Variants in BSPRY observed in about 807,000 individuals in gnomAD.
BSPRY encodes B box and SPRY domain-containing protein.
In BSPRY, 33 loss-of-function variants were observed where a neutral mutation model predicts 38.0. The ratio of observed to expected loss-of-function variants is 0.87; its 90% CI spans 0.66 to 1.16. BSPRY has a LOEUF of 1.16. Among genes scored for constraint, BSPRY ranks in the 50% most tolerant of loss-of-function variants. The pLI is 0.00. For synonymous variants in BSPRY, 224 were observed against 228.5 expected (o/e 0.98, Z 0.18); for missense variants, 523 against 533.2 (o/e 0.98, Z 0.19).
At chr9:113,353,064 G>T (rs982287969) in intron 1 of BSPRY, among the ~76,000 whole-genome samples, 1 of 152,188 alleles carries the variant, frequency 6.6e-6, no homozygotes, top group African/African-American at 2.4e-5. Flanking sequence ...TGAGTATGAC[G>T]GAGGACCAAG....
intron 2 of BSPRY, among the ~76,000 whole-genome samples, chr9:113,355,740 G>A (rs1313693126): frequency 2.0e-5 from 3 of 151,564 alleles, no homozygotes; most frequent in East Asian, 1.9e-4. Flanking sequence ...TCAGCCTCCC[G>A]TGTAGCTGGG....
intron 4 of BSPRY, among the ~76,000 whole-genome samples, chr9:113,365,689 CTCACTCA>C: frequency 1.3e-5 from 2 of 151,666 alleles, no homozygotes; most frequent in African/African-American, 4.8e-5. Flanking sequence ...CCTCACTCAG[CTCACTCA>C]GCATATAGCA....
At position 113,366,053 on chromosome 9, in the gene BSPRY, C is replaced by T. The variant is rs980417299; in HGVS notation, c.558-2206C>T. Among the ~76,000 whole-genome samples, 8 of 152,252 alleles carry T rather than the reference C, an allele frequency of 5.3e-5. No homozygotes were observed. In the East Asian group the frequency reaches 9.7e-4, roughly 18 times the overall value. On this transcript the variant is annotated intron_variant, in intron 4 of 5. Transcript: ENST00000374183. Reference sequence around the variant, plus strand: ...CTCTTGACCTCAAGTGATCCTTCCACCTCAGTCTCCCAAAGTGCTGGGATT... The same window carrying T: ...CTCTTGACCTCAAGTGATCCTTCCATCTCAGTCTCCCAAAGTGCTGGGATT...
Position 113,349,571 on chromosome 9 carries a change from C to G in BSPRY, c.-9C>G, listed in dbSNP as rs995649590. On this transcript the variant is annotated 5_prime_UTR_variant, in exon 1 of 6. Coordinates refer to ENST00000374183, the MANE Select transcript of BSPRY (RefSeq NM_017688.3). ...CGACAGGTGGAGCGCACGGGGCGGG[C>G]GCACGGCCATGTCCGCCGAGGGCGC... The G allele has an allele frequency of 3.0e-5, 34 of 1,151,414 alleles. No homozygotes were observed. The highest frequency in any genetic ancestry group is 3.5e-5 in the Non-Finnish European group (33 of 937,526). 71.3% of individuals were successfully genotyped at this position (1,151,414 alleles called of 1,614,324 possible). A position where few individuals can be genotyped will look rare whatever the true frequency, so the allele number is the denominator to read the frequency against.
At chr9:113,358,315 C>A (rs1343284152) in intron 2 of BSPRY, among the ~76,000 whole-genome samples, 1 of 151,772 alleles carries the variant, frequency 6.6e-6, no homozygotes, top group Non-Finnish European at 1.5e-5. Context: ...GTCACCCAGG[C>A]TGGAGTGCAG....
chr9:113,370,308 A>G lies in BSPRY; in HGVS notation c.*166A>G. ...GGGGATCTGTTTCAGATCTAGGCAT[A>G]ACCTGTAAATCACAGGTGTCCAAAC... On this transcript the variant is annotated 3_prime_UTR_variant, in exon 6 of 6. Coordinates refer to ENST00000374183, the MANE Select transcript of BSPRY (RefSeq NM_017688.3). The surrounding 1 kb of genome is among the most constrained non-coding windows in gnomAD (Gnocchi z 4.8). 1.3e-6 allele frequency: 1 copy of G among 784,074 alleles called. No homozygotes were observed. The allele number at this position is 784,074 out of a possible 1,614,324, so 48.6% of individuals were successfully genotyped here.
chr9:113,367,766 G>A (rs899662445), intron 4 of BSPRY, among the ~76,000 whole-genome samples: 5 of 151,984 alleles, frequency 3.3e-5, no homozygotes, highest in African/African-American at 9.7e-5. Flanking sequence ...TAAGGCTTCT[G>A]GGGGGCACAG....
At chr9:113,366,683 C>T (rs1384364472) in intron 4 of BSPRY, among the ~76,000 whole-genome samples, 1 of 152,240 alleles carries the variant, frequency 6.6e-6, no homozygotes, top group East Asian at 1.9e-4. Flanking sequence ...GACATCAGCT[C>T]CTCTTTCTTC....
intron 4 of BSPRY, 131 bp downstream of exon 4, chr9:113,362,525 C>A: frequency 2.1e-6 from 2 of 943,886 alleles, no homozygotes; most frequent in Non-Finnish European, 3.4e-6. Flanking sequence ...TTTCTGGAGC[C>A]TGGCTCTGTG....
intron 1 of BSPRY, among the ~76,000 whole-genome samples, chr9:113,351,753 G>A (rs1588059710): frequency 6.6e-6 from 1 of 151,610 alleles, no homozygotes; most frequent in African/African-American, 2.4e-5. Flanking sequence ...TTCTCTTTGG[G>A]CCTCAGCTTT....
chr9:113,356,353 A>G (rs1298471764), intron 2 of BSPRY, among the ~76,000 whole-genome samples: 1 of 152,058 alleles, frequency 6.6e-6, no homozygotes, highest in Admixed American at 6.5e-5. Context: ...AAATACAAAA[A>G]AATTAGCAGG....
chr9:113,353,311 G>A (rs1424691315), intron 1 of BSPRY, among the ~76,000 whole-genome samples: 1 of 152,158 alleles, frequency 6.6e-6, no homozygotes, highest in African/African-American at 2.4e-5. Flanking sequence ...ACTTGAGCCT[G>A]GAAGGTCAAG....
chr9:113,358,983 G>A (rs943502371), intron 2 of BSPRY, among the ~76,000 whole-genome samples: 1 of 152,072 alleles, frequency 6.6e-6, no homozygotes, highest in African/African-American at 2.4e-5. Flanking sequence ...AGCTATGATT[G>A]TGCCACTGCA....
At chr9:113,360,792 GA>G in intron 3 of BSPRY, 55 bp downstream of exon 3, 1 of 1,375,418 alleles carries the variant, frequency 7.3e-7, no homozygotes, top group Non-Finnish European at 1.0e-6. Flanking sequence ...CCAAAAGCCT[GA>G]AAATATCGAG....
At chr9:113,354,978 C>T (rs1834033690) in intron 2 of BSPRY, among the ~76,000 whole-genome samples, 1 of 152,202 alleles carries the variant, frequency 6.6e-6, no homozygotes, top group South Asian at 2.1e-4. Flanking sequence ...GCCTCAGCCT[C>T]CCAAAGTGCT....
At chr9:113,365,733 A>G (rs901847382) in intron 4 of BSPRY, among the ~76,000 whole-genome samples, 10 of 137,796 alleles carry the variant, frequency 7.3e-5, no homozygotes, top group South Asian at 5.1e-4. Flanking sequence ...GAGAAAGAGA[A>G]AGAGAGAGAG....
In BSPRY at chr9:113,370,454, C is replaced by T. The variant is rs1038477221; in HGVS notation, c.*312C>T. 1.8e-4 allele frequency: 41 copies of T among 230,392 alleles called. No individual in the cohort carries two copies. The highest frequency in any genetic ancestry group is 1.4e-3 in the Middle Eastern group (1 of 726). 14.3% of individuals were successfully genotyped at this position (230,392 alleles called of 1,614,324 possible). On this transcript the variant is annotated 3_prime_UTR_variant, in exon 6 of 6. Coordinates refer to ENST00000374183, the MANE Select transcript of BSPRY (RefSeq NM_017688.3). The surrounding 1 kb of genome is among the most constrained non-coding windows in gnomAD (Gnocchi z 4.8). Reference sequence around the variant, plus strand: ...TGTGTATAATTTTTGTGATATCTGCCACCACAGATAAGCAAAAAAGTCCTT... The same window carrying T: ...TGTGTATAATTTTTGTGATATCTGCTACCACAGATAAGCAAAAAAGTCCTT...
chr9:113,365,135 C>T (rs1211611996), intron 4 of BSPRY, among the ~76,000 whole-genome samples: 2 of 152,124 alleles, frequency 1.3e-5, no homozygotes, highest in African/African-American at 4.8e-5. Context: ...TGTCCGTTAT[C>T]AAGGATGTCA....
rs538155141 is a variant in BSPRY, at chr9:113,371,210, G to A, written c.*1068G>A. 19 of 152,362 alleles carry A rather than the reference G, an allele frequency of 1.2e-4. 1 individual carries two copies. In the East Asian group the frequency reaches 3.7e-3, roughly 29 times the overall value. The allele number at this position is 152,362 out of a possible 1,614,324, so 9.4% of individuals were successfully genotyped here. A position where few individuals can be genotyped will look rare whatever the true frequency, so the allele number is the denominator to read the frequency against. On this transcript the variant is annotated 3_prime_UTR_variant, in exon 6 of 6. Coordinates refer to ENST00000374183, the MANE Select transcript of BSPRY (RefSeq NM_017688.3). ...CTTAGGGCACGTGGGCATTATTAAAGGTCTTAAAAGCATTGAAGATTTATT... is the reference window on the plus strand; with the variant it reads ...CTTAGGGCACGTGGGCATTATTAAAAGTCTTAAAAGCATTGAAGATTTATT...
Sources: allele counts gnomAD v4.1 joint callset (sites outside exome capture counted in the v4.1 genomes callset), GRCh38; gene constraint gnomAD v4.1.1; non-coding constraint Gnocchi (gnomAD v3.1); transcripts MANE v1.5; gene names NCBI Gene and HGNC (gene_info 2026-07-23, HGNC 2026-07-21).